The following MLKL variants were observed in gnomAD, a reference collection of about 807,000 sequenced individuals.
MLKL encodes mixed lineage kinase domain-like protein.
In MLKL, 55 loss-of-function variants were observed where a neutral mutation model predicts 56.5. That is an observed-to-expected ratio of 0.97 (90% CI 0.78 to 1.22). The LOEUF is 1.22. MLKL is among the 50% of genes most tolerant of loss of function. MLKL has a pLI of 0.00. For missense variants in MLKL, 694 were observed against 573.9 expected, an observed-to-expected ratio of 1.21 and a Z score of -2.14; for synonymous variants, 251 against 208.3, an observed-to-expected ratio of 1.20 and a Z score of -1.76.
In MLKL at chr16:74,672,418, G is replaced by C; in HGVS notation, c.*86C>G. 7.7e-7 allele frequency: 1 copy of C among 1,296,630 alleles called. No individual in the cohort carries two copies. The highest frequency in any genetic ancestry group is 1.2e-5 in the South Asian group (1 of 82,110). The allele number at this position is 1,296,630 out of a possible 1,614,324, so 80.3% of individuals were successfully genotyped here. A position where few individuals can be genotyped will look rare whatever the true frequency, so the allele number is the denominator to read the frequency against. ...TCCTTGCACCCATAGATAACCCAAT[G>C]CCGAAGGATATGAGAGAGAGAGATG... On this transcript the variant is annotated 3_prime_UTR_variant, in exon 11 of 11. Transcript: ENST00000308807.
At position 74,672,532 on chromosome 16, in the gene MLKL, A is replaced by G. The variant is rs902204767; in HGVS notation, c.1388T>C (p.Leu463Ser). 1 of 1,613,924 alleles carries G rather than the reference A, an allele frequency of 6.2e-7. No homozygotes were observed. The highest frequency in any genetic ancestry group is 8.5e-7 in the Non-Finnish European group (1 of 1,179,804). Residue 463 changes from leucine to serine, a missense_variant, in exon 11 of 11, where the codon TTA becomes TCA. Leu to Ser is a moderately radical substitution (Grantham distance 145). Coordinates refer to ENST00000308807, the MANE Select transcript of MLKL (RefSeq NM_152649.4). The stretch of plus-strand genomic sequence containing the variant: ...CTTAGAAAAGGTGGAGAGTTTCTTT[A>G]AGATTTCTGTGGATGAATGAACAGA... ...PSVRPSVDEI[L>S]KKLSTFSK
At chr16:74,691,182 G>C (rs1192149645) in intron 4 of MLKL, 95 bp downstream of exon 4, 4 of 1,212,574 alleles carry the variant, frequency 3.3e-6, no homozygotes, top group Non-Finnish European at 4.6e-6. Context: ...TAGGGCCCAG[G>C]CTTCCTCATC....
intron 6 of MLKL, among the ~76,000 whole-genome samples, chr16:74,679,990 C>T (rs1431264494): frequency 6.6e-6 from 1 of 152,204 alleles, no homozygotes; most frequent in Non-Finnish European, 1.5e-5. Flanking sequence ...GGCACAATTA[C>T]ACCTCAGAGT....
Position 74,700,686 on chromosome 16 carries a change from A to T in MLKL, c.-236T>A, listed in dbSNP as rs974068827. On this transcript the variant is annotated 5_prime_UTR_variant, in exon 1 of 11. Transcript: ENST00000308807. Reference sequence around the variant, plus strand: ...GACAAGGCGCCCCGATCCCTACCTGAGGGAAACCCCGGCCACTGCAGCTGC... The same window carrying T: ...GACAAGGCGCCCCGATCCCTACCTGTGGGAAACCCCGGCCACTGCAGCTGC... 2 of 152,346 alleles carry T rather than the reference A, an allele frequency of 1.3e-5. No individual in the cohort carries two copies. Among genetic ancestry groups the T allele is most frequent in the African/African-American group, 4.8e-5 (2 of 41,406 alleles). The allele number at this position is 152,346 out of a possible 1,614,324, so 9.4% of individuals were successfully genotyped here. A position where few individuals can be genotyped will look rare whatever the true frequency, so the allele number is the denominator to read the frequency against.
At position 74,685,457 on chromosome 16, in the gene MLKL, G is replaced by A. The variant is rs1170780177; in HGVS notation, c.820+29C>T. Reference sequence around the variant, plus strand: ...GGAGGTGTGTTCTAGGCCATCCAAAGCTTGACCAATCCTAGAAGCATTCCT... The same window carrying A: ...GGAGGTGTGTTCTAGGCCATCCAAAACTTGACCAATCCTAGAAGCATTCCT... On this transcript the variant is annotated intron_variant, in intron 5 of 10. Coordinates refer to ENST00000308807, the MANE Select transcript of MLKL (RefSeq NM_152649.4). 6.4e-6 allele frequency: 10 copies of A among 1,567,906 alleles called. No homozygotes were observed. In the Admixed American group the frequency reaches 8.4e-5, roughly 13 times the overall value.
At chr16:74,674,099 C>T (rs999059602) in intron 10 of MLKL, among the ~76,000 whole-genome samples, 3 of 151,888 alleles carry the variant, frequency 2.0e-5, no homozygotes, top group African/African-American at 7.3e-5. Context: ...TTGGGGCTGC[C>T]AGAGAGTTCT....
chr16:74,693,745 A>G (rs1960838731), intron 2 of MLKL, among the ~76,000 whole-genome samples: 1 of 151,674 alleles, frequency 6.6e-6, no homozygotes, highest in Admixed American at 6.6e-5. Flanking sequence ...CTGGGACTAC[A>G]GGCGCCCACC....
chr16:74,699,962 G>T (rs1482530508), intron 1 of MLKL, among the ~76,000 whole-genome samples: 1 of 151,614 alleles, frequency 6.6e-6, no homozygotes, highest in African/African-American at 2.4e-5. Context: ...TAAATAAAAA[G>T]AAAAAGGGGA....
At chr16:74,681,869 T>C (rs1959994820) in intron 6 of MLKL, among the ~76,000 whole-genome samples, 1 of 152,074 alleles carries the variant, frequency 6.6e-6, no homozygotes, top group African/African-American at 2.4e-5. Context: ...AATGAATATA[T>C]AGATTCACGT....
intron 1 of MLKL, among the ~76,000 whole-genome samples, chr16:74,698,639 T>C (rs1292653792): frequency 1.3e-5 from 2 of 152,232 alleles, no homozygotes; most frequent in African/African-American, 4.8e-5. Context: ...GTGGCAATGT[T>C]GTTCAAGGAA....
intron 2 of MLKL, among the ~76,000 whole-genome samples, chr16:74,693,531 G>A (rs1597509985): frequency 6.6e-6 from 1 of 150,756 alleles, no homozygotes; most frequent in East Asian, 1.9e-4. Flanking sequence ...ATGGATGGTC[G>A]CGATGGTTTC....
intron 10 of MLKL, among the ~76,000 whole-genome samples, chr16:74,673,807 T>A (rs865982032): frequency 2.6e-5 from 4 of 151,860 alleles, no homozygotes; most frequent in African/African-American, 9.7e-5. Flanking sequence ...AATGCTGCTG[T>A]GGTGGTGCCT....
chr16:74,691,193 T>C, intron 4 of MLKL, 84 bp downstream of exon 4: 1 of 1,351,762 alleles, frequency 7.4e-7, no homozygotes, highest in South Asian at 1.4e-5. Flanking sequence ...CTTCCTCATC[T>C]AAAAATGGAG....
chr16:74,693,295 C>T (rs572037173), intron 2 of MLKL, among the ~76,000 whole-genome samples: 22 of 151,708 alleles, frequency 1.5e-4, no homozygotes, highest in African/African-American at 4.8e-4. Flanking sequence ...TAGTGAAACC[C>T]CGTCTCTACT....
At chr16:74,683,205 A>G (rs1379249890) in intron 5 of MLKL, among the ~76,000 whole-genome samples, 5 of 151,164 alleles carry the variant, frequency 3.3e-5, no homozygotes, top group Non-Finnish European at 7.4e-5. Context: ...TCTACTTGGG[A>G]GGCTGAGGCA....
intron 1 of MLKL, among the ~76,000 whole-genome samples, chr16:74,696,638 T>A (rs113184671): frequency 0.025 from 3,839 of 150,740 alleles, 75 homozygotes; most frequent in South Asian, 0.054. Context: ...ATAAAAAAAA[T>A]AAAATAAAAT....
chr16:74,680,339 T>G (rs1278724799), intron 6 of MLKL, among the ~76,000 whole-genome samples: 2 of 152,092 alleles, frequency 1.3e-5, no homozygotes, highest in Non-Finnish European at 2.9e-5. Context: ...CAAACTTAAT[T>G]TCAAATTAAT....
At chr16:74,676,207 C>A in intron 7 of MLKL, 1 of 990,692 alleles carries the variant, frequency 1.0e-6, no homozygotes, top group Non-Finnish European at 1.2e-6. Flanking sequence ...ATGGGGGCAT[C>A]CCCTCTGTGC....
At chr16:74,699,291 A>G (rs879754550) in intron 1 of MLKL, among the ~76,000 whole-genome samples, 2 of 152,206 alleles carry the variant, frequency 1.3e-5, no homozygotes, top group Admixed American at 6.5e-5. Context: ...ATCTACTGAC[A>G]TATTTTGGCA....
Sources: gnomAD v4.1 joint callset for allele counts (sites outside exome capture counted in the v4.1 genomes callset) on GRCh38, gnomAD v4.1.1 for gene constraint, MANE v1.5 for transcripts, NCBI Gene and HGNC (gene_info 2026-07-23, HGNC 2026-07-21) for gene names.